Variants in GRHL1 observed in about 807,000 individuals in gnomAD.
The protein encoded by GRHL1 is grainyhead like transcription factor 1.
In GRHL1, 38 loss-of-function variants were observed where a neutral mutation model predicts 75.7. That is an observed-to-expected ratio of 0.50 (90% CI 0.39 to 0.66). GRHL1 has a LOEUF of 0.66. Among genes scored for constraint, GRHL1 ranks in the 30% least tolerant of loss-of-function variants. The probability of loss-of-function intolerance (pLI) is 0.00; values close to 1 mark genes in which losing one functional copy is unlikely to be tolerated. For synonymous variants in GRHL1, 266 were observed against 279.4 expected (o/e 0.95, Z 0.48); for missense variants, 589 against 767.5 (o/e 0.77, Z 2.75).
intron 9 of GRHL1, 52 bp downstream of exon 9, chr2:9,986,334 A>G (rs1668416631): frequency 1.5e-6 from 2 of 1,360,994 alleles, no homozygotes; most frequent in African/African-American, 1.5e-5. Flanking sequence ...ACTCATGGAA[A>G]AAGACCAGGG....
intron 8 of GRHL1, among the ~76,000 whole-genome samples, chr2:9,966,819 G>A (rs1667514153): frequency 6.6e-6 from 1 of 152,154 alleles, no homozygotes; most frequent in Non-Finnish European, 1.5e-5. Flanking sequence ...ACCAGGCAGT[G>A]AGGAAGCTTT....
intron 8 of GRHL1, chr2:9,966,388 A>T (rs912844038): frequency 1.0e-4 from 15 of 148,360 alleles, no homozygotes; most frequent in African/African-American, 3.9e-4. Flanking sequence ...ACAGAGTGAG[A>T]CCCTGTCCCC....
chr2:9,962,994 ATC>A (rs1406660461), intron 5 of GRHL1, among the ~76,000 whole-genome samples: 1 of 152,174 alleles, frequency 6.6e-6, no homozygotes, highest in Non-Finnish European at 1.5e-5. Context: ...ACAAAATTGT[ATC>A]TCACTCTGGG....
intron 8 of GRHL1, among the ~76,000 whole-genome samples, chr2:9,971,492 A>G (rs72784434): frequency 0.16 from 23,743 of 152,270 alleles, 2,033 homozygotes; most frequent in Non-Finnish European, 0.19. Flanking sequence ...TCGGCAGATT[A>G]CGAAGCTAAC....
At chr2:9,980,353 A>C (rs1193672126) in intron 8 of GRHL1, among the ~76,000 whole-genome samples, 1 of 152,024 alleles carries the variant, frequency 6.6e-6, no homozygotes, top group Non-Finnish European at 1.5e-5. Flanking sequence ...TGTATCAGTT[A>C]ATCCTTTGAT....
intron 3 of GRHL1, chr2:9,959,121 C>A (rs912602116): frequency 2.3e-5 from 6 of 265,626 alleles, no homozygotes; most frequent in African/African-American, 8.8e-5. Flanking sequence ...GTAATAACTT[C>A]AGTATTTGCT....
chr2:9,994,927 C>T (rs767675214), intron 12 of GRHL1, among the ~76,000 whole-genome samples: 8 of 152,100 alleles, frequency 5.3e-5, no homozygotes, highest in Admixed American at 3.3e-4. Flanking sequence ...ATCCTGTGCT[C>T]GGATTATACC....
At chr2:9,985,990 T>G in intron 8 of GRHL1, 134 bp from the exon 9 acceptor site, 1 of 653,144 alleles carries the variant, frequency 1.5e-6, no homozygotes, top group Admixed American at 2.9e-5. Flanking sequence ...TAAAAACCCT[T>G]TTTTAAAAAA....
At chr2:9,969,991 C>T (rs557501581) in intron 8 of GRHL1, among the ~76,000 whole-genome samples, 6 of 152,144 alleles carry the variant, frequency 3.9e-5, no homozygotes, top group African/African-American at 7.2e-5. Flanking sequence ...TACAGGCGTC[C>T]GCCACCATGC....
intron 9 of GRHL1, among the ~76,000 whole-genome samples, chr2:9,989,083 G>T (rs1668537515): frequency 6.6e-6 from 1 of 152,094 alleles, no homozygotes; most frequent in African/African-American, 2.4e-5. Context: ...TCTGTGTCAG[G>T]GAGGGACTGT....
intron 14 of GRHL1, among the ~76,000 whole-genome samples, chr2:9,998,503 T>TATATATAC (rs1669003448): frequency 4.4e-5 from 1 of 22,846 alleles, no homozygotes; most frequent in East Asian, 1.5e-3. Flanking sequence ...TATATATACA[T>TATATATAC]ATATATACGT....
chr2:9,999,826 A>G (rs1572401786), intron 15 of GRHL1, among the ~76,000 whole-genome samples: 3 of 151,904 alleles, frequency 2.0e-5, no homozygotes, highest in Admixed American at 2.0e-4. Flanking sequence ...GTTGGACTTA[A>G]TAGTAGTTAA....
chr2:9,952,940 T>G (rs1201694881), intron 1 of GRHL1: 4 of 447,462 alleles, frequency 8.9e-6, no homozygotes, highest in African/African-American at 8.1e-5. Context: ...GAAACATATT[T>G]CAGAAGTCTG....
At chr2:9,974,365 C>T (rs952596833) in intron 8 of GRHL1, among the ~76,000 whole-genome samples, 2 of 152,138 alleles carry the variant, frequency 1.3e-5, no homozygotes, top group South Asian at 2.1e-4. Context: ...AAACTTTTTT[C>T]GGTGACCAAC....
At chr2:9,983,946 G>A (rs1284081416) in intron 8 of GRHL1, among the ~76,000 whole-genome samples, 1 of 151,958 alleles carries the variant, frequency 6.6e-6, no homozygotes, top group Non-Finnish European at 1.5e-5. Context: ...CATGAGGTCA[G>A]GAGTTCGAGA....
intron 8 of GRHL1, among the ~76,000 whole-genome samples, chr2:9,973,839 C>T (rs1470833168): frequency 1.3e-5 from 2 of 152,188 alleles, no homozygotes; most frequent in East Asian, 1.9e-4. Flanking sequence ...CTCCCAGAGG[C>T]AACTGGGCCT....
At chr2:9,983,776 C>CT (rs71391180) in intron 8 of GRHL1, among the ~76,000 whole-genome samples, 3,152 of 143,968 alleles carry the variant, frequency 0.022, 86 homozygotes, top group African/African-American at 0.065. Flanking sequence ...TTTGCATGGA[C>CT]TTTTTTTTTT....
rs574900525 is a variant in GRHL1, at chr2:9,998,681, CAT to C, written c.1678-277_1678-276del. 2.5e-3 allele frequency among the ~76,000 whole-genome samples: 163 copies of C among 64,722 alleles called. 26 individuals are homozygous for C. The South Asian group carries it at 0.059, about 23-fold the overall frequency. 42.5% of individuals were successfully genotyped at this position (64,722 alleles called of 152,430 possible). On this transcript the variant is annotated intron_variant, in intron 14 of 15. Transcript: ENST00000324907. ...ACATATATATGTACACATATATATA[CAT>C]ATATATGTACACACATATATATACA... is the stretch of plus-strand genomic sequence containing the variant.
At chr2:9,961,957 G>T (rs2125209540) in intron 4 of GRHL1, among the ~76,000 whole-genome samples, 1 of 152,222 alleles carries the variant, frequency 6.6e-6, no homozygotes, top group East Asian at 1.9e-4. Context: ...AGGGACTAAA[G>T]GTGTTAGAAA....
Sources: gnomAD v4.1 joint callset for allele counts (sites outside exome capture counted in the v4.1 genomes callset) on GRCh38, gnomAD v4.1.1 for gene constraint, MANE v1.5 for transcripts, NCBI Gene and HGNC (gene_info 2026-07-23, HGNC 2026-07-21) for gene names.